Variants in PJA2 observed in about 807,000 individuals in gnomAD.
PJA2 encodes the protein E3 ubiquitin-protein ligase Praja-2.
A neutral mutation model predicts 69.3 loss-of-function variants in PJA2; 25 were observed. The ratio of observed to expected loss-of-function variants is 0.36; its 90% CI spans 0.26 to 0.50. PJA2 has a LOEUF of 0.50. Among genes scored for constraint, PJA2 ranks in the 20% least tolerant of loss-of-function variants. The probability of loss-of-function intolerance (pLI) is 0.96; values close to 1 mark genes in which losing one functional copy is unlikely to be tolerated. For synonymous variants in PJA2, 308 were observed against 277.8 expected (o/e 1.11, Z -1.08); for missense variants, 809 against 830.2 (o/e 0.97, Z 0.31).
chr5:109,407,917 C>T (rs1747726555), intron 1 of PJA2, among the ~76,000 whole-genome samples: 1 of 152,042 alleles, frequency 6.6e-6, no homozygotes, highest in South Asian at 2.1e-4. Context: ...TCAGTTGTCT[C>T]CAAATTAATC....
intron 6 of PJA2, among the ~76,000 whole-genome samples, chr5:109,362,584 T>TA (rs965514645): frequency 2.0e-5 from 3 of 151,614 alleles, no homozygotes; most frequent in African/African-American, 7.3e-5. Context: ...AATCCAAAAC[T>TA]AAAAAAAAGT....
At chr5:109,400,814 C>G (rs1248189257) in intron 1 of PJA2, among the ~76,000 whole-genome samples, 1 of 151,492 alleles carries the variant, frequency 6.6e-6, no homozygotes, top group Non-Finnish European at 1.5e-5. Context: ...CCCGTCTCTA[C>G]TAAAAAAATA....
intron 4 of PJA2, among the ~76,000 whole-genome samples, chr5:109,374,971 A>T (rs1582610180): frequency 6.6e-6 from 1 of 152,302 alleles, no homozygotes; most frequent in South Asian, 2.1e-4. Flanking sequence ...TGGTAATTAT[A>T]TGCTGCCTAT....
intron 1 of PJA2, among the ~76,000 whole-genome samples, chr5:109,384,935 A>G (rs1022188445): frequency 6.6e-6 from 1 of 152,004 alleles, no homozygotes; most frequent in African/African-American, 2.4e-5. Context: ...CTCCTGCCTC[A>G]GCCTCCCAGT....
intron 1 of PJA2, among the ~76,000 whole-genome samples, chr5:109,402,071 T>C (rs1747565969): frequency 6.6e-6 from 1 of 152,098 alleles, no homozygotes; most frequent in African/African-American, 2.4e-5. Context: ...ATGTAAAATA[T>C]AAATCACAGA....
chr5:109,340,619 C>CGG (rs547793147), intron 9 of PJA2, among the ~76,000 whole-genome samples: 208 of 518 alleles, frequency 0.4, 8 homozygotes, highest in South Asian at 0.5. Context: ...TTATTGGGTC[C>CGG]CTCCCCCTCC....
intron 1 of PJA2, among the ~76,000 whole-genome samples, chr5:109,400,910 G>A (rs966031873): frequency 9.2e-5 from 14 of 152,312 alleles, no homozygotes; most frequent in Non-Finnish European, 1.5e-4. Context: ...ATGAACCTGG[G>A]AGGCAGAGCT....
chr5:109,378,835 G>C lies in PJA2; in HGVS notation c.652C>G (p.Pro218Ala), dbSNP rs140038661. 1.6e-5 allele frequency: 26 copies of C among 1,613,816 alleles called. No individual in the cohort carries two copies. The African/African-American group carries it at 3.3e-4, about 21-fold the overall frequency. Reference protein sequence around the residue: ...EAEAYTGLSPPVPSFNCEVRD... With the variant: ...EAEAYTGLSPAVPSFNCEVRD... ...ACTTCACAGTTAAATGAGGGAACTG[G>C]TGGTGAAAGACCAGTGTATGCCTCT... The change falls in exon 4 of 10, where the codon CCA (proline) becomes GCA (alanine). Residue 218 changes from proline (P) to alanine (A), a missense_variant. Physicochemically the swap from Pro to Ala is conservative, Grantham distance 27. Coordinates refer to ENST00000361189, the MANE Select transcript of PJA2 (RefSeq NM_014819.5).
At chr5:109,355,635 T>C (rs1392031352) in intron 7 of PJA2, among the ~76,000 whole-genome samples, 3 of 152,190 alleles carry the variant, frequency 2.0e-5, no homozygotes, top group African/African-American at 2.4e-5. Flanking sequence ...ACTCTCATAC[T>C]TGTATAATTC....
At chr5:109,405,902 CTT>C (rs1475919730) in intron 1 of PJA2, among the ~76,000 whole-genome samples, 2 of 148,948 alleles carry the variant, frequency 1.3e-5, no homozygotes, top group Admixed American at 6.7e-5. Flanking sequence ...ATTAAAAGCT[CTT>C]CTTTTAAAGT....
At chr5:109,356,732 TA>T (rs888699004) in intron 6 of PJA2, among the ~76,000 whole-genome samples, 10 of 152,226 alleles carry the variant, frequency 6.6e-5, no homozygotes, top group African/African-American at 1.9e-4. Context: ...CTCTGGATTT[TA>T]AAATATTTTA....
rs184430522 is a variant in PJA2, at chr5:109,385,356, A to G, written c.-87-1836T>C. On this transcript the variant is annotated intron_variant, in intron 1 of 9. Transcript: ENST00000361189. ...AATGACCAGATTCTGGACATATTGT[A>G]AAAATACAATCAACAAAATTTACTA... 2.5e-3 allele frequency among the ~76,000 whole-genome samples: 387 copies of G among 152,328 alleles called. 5 individuals are homozygous for G. The highest frequency in any genetic ancestry group is 1.3e-3 in the Non-Finnish European group (89 of 68,028).
At chr5:109,348,153 C>G (rs1762197565) in intron 7 of PJA2, among the ~76,000 whole-genome samples, 1 of 152,060 alleles carries the variant, frequency 6.6e-6, no homozygotes, top group South Asian at 2.1e-4. Context: ...TCTTGAAAGC[C>G]CAGATAGCTC....
At chr5:109,371,526 C>A (rs1245045198) in intron 4 of PJA2, among the ~76,000 whole-genome samples, 2 of 152,128 alleles carry the variant, frequency 1.3e-5, no homozygotes, top group African/African-American at 4.8e-5. Context: ...TCCGTTTCTC[C>A]TAAAATGTAA....
intron 1 of PJA2, 94 bp downstream of exon 1, chr5:109,409,748 C>T (rs1163104925): frequency 6.5e-6 from 1 of 154,342 alleles, no homozygotes; most frequent in Non-Finnish European, 1.4e-5. Context: ...GACAGAGAAA[C>T]TGAGGAGCTG....
intron 3 of PJA2, among the ~76,000 whole-genome samples, chr5:109,380,086 CTTTTTTTTTTT>C (rs35217352): frequency 4.0e-5 from 3 of 74,228 alleles, no homozygotes; most frequent in African/African-American, 1.0e-4. Flanking sequence ...ACGAAGGGTT[CTTTTTTTTTTT>C]TTTTTTTTTT....
rs755550932 is a variant in PJA2, at chr5:109,337,952, TAA to T, written c.2002-598_2002-597del. Among the ~76,000 whole-genome samples, 9 of 152,198 alleles carry T rather than the reference TAA, an allele frequency of 5.9e-5. No individual in the cohort carries two copies. The South Asian group carries it at 6.2e-4, about 11-fold the overall frequency. ...CATGACATTTCTTTCCAAAAAGAGA[TAA>T]GAGTGTTAGGTGCCTTCTAAATGAC... On this transcript the variant is annotated intron_variant, in intron 9 of 9. Coordinates refer to ENST00000361189, the MANE Select transcript of PJA2 (RefSeq NM_014819.5).
At chr5:109,408,549 C>CT (rs1177204931) in intron 1 of PJA2, among the ~76,000 whole-genome samples, 6 of 151,352 alleles carry the variant, frequency 4.0e-5, no homozygotes, top group Admixed American at 3.9e-4. Context: ...AAAAAAAAAA[C>CT]TTTACGTGTA....
chr5:109,390,515 TA>T (rs1747259369), intron 1 of PJA2: 1 of 152,012 alleles, frequency 6.6e-6, no homozygotes, highest in African/African-American at 2.4e-5. Context: ...CTTACTCACT[TA>T]TATATAATGT....
Sources: gnomAD v4.1 joint callset for allele counts (sites outside exome capture counted in the v4.1 genomes callset) on GRCh38, gnomAD v4.1.1 for gene constraint, MANE v1.5 for transcripts, NCBI Gene and HGNC (gene_info 2026-07-23, HGNC 2026-07-21) for gene names.